The following KLRC1 variants were observed in gnomAD, a reference collection of about 807,000 sequenced individuals.
KLRC1 encodes killer cell lectin like receptor C1.
In KLRC1, 22 loss-of-function variants were observed where a neutral mutation model predicts 25.9. The observed-to-expected ratio is 0.85, with a 90% CI of 0.61 to 1.21. The LOEUF is 1.21. Ranked by LOEUF, KLRC1 falls within the 50% of genes most tolerant of loss-of-function variation. The probability of loss-of-function intolerance (pLI) is 0.00; values close to 1 mark genes in which losing one functional copy is unlikely to be tolerated. For synonymous variants in KLRC1, 77 were observed against 93.1 expected (o/e 0.83, Z 0.99); for missense variants, 240 against 272.2 (o/e 0.88, Z 0.83).
chr12:10,448,906 C>T (rs1864058727), intron 5 of KLRC1, among the ~76,000 whole-genome samples: 1 of 152,180 alleles, frequency 6.6e-6, no homozygotes, highest in African/African-American at 2.4e-5. Context: ...ATTTCATGAT[C>T]TGACTTGTAT....
At position 10,450,540 on chromosome 12, in the gene KLRC1, A is replaced by G; in HGVS notation, c.227T>C (p.Leu76Pro). The G allele has an allele frequency of 6.2e-7, 1 of 1,611,916 alleles. No individual in the cohort carries two copies. The highest frequency in any genetic ancestry group is 8.5e-7 in the Non-Finnish European group (1 of 1,178,082). The change falls in exon 3 of 7, where the codon CTG (leucine) becomes CCG (proline). Residue 76 changes from leucine (L) to proline (P), a missense_variant. By Grantham distance (98) the Leu-to-Pro change is moderately conservative (BLOSUM62 -3). Transcript: ENST00000359151. Reference protein sequence around the residue: ...SAPEKLIVGILGIICLILMAS... With the variant: ...SAPEKLIVGIPGIICLILMAS... ...CATTAAGATAAGACAGATAATTCCC[A>G]GGATCCCAACAATGAGCTTCTCTGG... is the stretch of plus-strand genomic sequence containing the variant.
At chr12:10,444,953 C>T (rs1241414048), downstream of KLRC1, among the ~76,000 whole-genome samples, 1 of 144,192 alleles carries the variant, frequency 6.9e-6, no homozygotes, top group African/African-American at 2.6e-5. Context: ...CAGAGTCTCC[C>T]TCTGTCGCCA....
At chr12:10,449,033 A>G (rs1254621510) in intron 5 of KLRC1, among the ~76,000 whole-genome samples, 1 of 152,244 alleles carries the variant, frequency 6.6e-6, no homozygotes, top group Middle Eastern at 3.2e-3. Flanking sequence ...ATGGTTTTCC[A>G]TGAAAAGCAA....
At chr12:10,450,454 T>TC (rs1864098702) in intron 3 of KLRC1, 30 bp downstream of exon 3, 1 of 1,247,034 alleles carries the variant, frequency 8.0e-7, no homozygotes, top group African/African-American at 1.5e-5. Flanking sequence ...ACGTGAAAAT[T>TC]CCCCTTGTAA....
intron 5 of KLRC1, among the ~76,000 whole-genome samples, chr12:10,448,762 A>T (rs921489327): frequency 2.6e-5 from 4 of 152,244 alleles, no homozygotes; most frequent in Non-Finnish European, 1.5e-5. Context: ...ACAGTGTATG[A>T]TTCCCTTTAT....
chr12:10,449,403 GA>G lies in KLRC1; in HGVS notation c.338-16del, dbSNP rs1435888562. 9.3e-6 allele frequency: 15 copies of G among 1,611,986 alleles called. No homozygotes were observed. Among genetic ancestry groups the G allele is most frequent in the Non-Finnish European group, 1.3e-5 (15 of 1,179,176 alleles). On this transcript the variant is annotated splice_polypyrimidine_tract_variant and intron_variant, in intron 4 of 6. Transcript: ENST00000359151. ...ACAATGACGTGCTAAATAAAGATAT[GA>G]ATTACTATCTAGACCAATATGAATT...
At chr12:10,450,456 C>T in intron 3 of KLRC1, 28 bp downstream of exon 3, 1 of 1,274,200 alleles carries the variant, frequency 7.8e-7, no homozygotes, top group Non-Finnish European at 1.1e-6. Flanking sequence ...GTGAAAATTC[C>T]CCTTGTAATC....
chr12:10,449,834 C>G, intron 4 of KLRC1, 80 bp downstream of exon 4: 1 of 1,170,218 alleles, frequency 8.5e-7, no homozygotes, highest in Non-Finnish European at 1.1e-6. Context: ...AATTTTTCAC[C>G]CAAAATTTTA....
rs1864023434 is a variant in KLRC1 at position 10,447,737 on chromosome 12, T to C, written c.490-105A>G. Reference sequence around the variant, plus strand: ...CTATTTGCAGTGCCAAAAACTTTCATAAATGTTTATAATTTTGATATAAAT... The same window carrying C: ...CTATTTGCAGTGCCAAAAACTTTCACAAATGTTTATAATTTTGATATAAAT... On this transcript the variant is annotated intron_variant, in intron 5 of 6. Coordinates refer to ENST00000359151, the MANE Select transcript of KLRC1 (RefSeq NM_002259.5). 1.3e-5 allele frequency: 11 copies of C among 855,244 alleles called. No homozygotes were observed. In the South Asian group the frequency reaches 2.0e-4, roughly 15 times the overall value. The allele number at this position is 855,244 out of a possible 1,614,324, so 53.0% of individuals were successfully genotyped here. A position where few individuals can be genotyped will look rare whatever the true frequency, so the allele number is the denominator to read the frequency against.
At position 10,446,188 on chromosome 12, in the gene KLRC1, C is replaced by T. The variant is rs1863980568; in HGVS notation, c.*363G>A. ...AAGTTTTCATCACGACACAAAGTAA[C>T]GTTCTATCAGTTAGAGGTCATCTCC... is the stretch of plus-strand genomic sequence containing the variant. On this transcript the variant is annotated 3_prime_UTR_variant, in exon 7 of 7. Coordinates refer to ENST00000359151, the MANE Select transcript of KLRC1 (RefSeq NM_002259.5). 5 of 204,596 alleles carry T rather than the reference C, an allele frequency of 2.4e-5. No homozygotes were observed. The highest frequency in any genetic ancestry group is 1.1e-4 in the South Asian group (1 of 9,148). 12.7% of individuals were successfully genotyped at this position (204,596 alleles called of 1,614,324 possible). A position where few individuals can be genotyped will look rare whatever the true frequency, so the allele number is the denominator to read the frequency against.
At chr12:10,447,069 T>A (rs901667249) in intron 6 of KLRC1, among the ~76,000 whole-genome samples, 4 of 152,240 alleles carry the variant, frequency 2.6e-5, no homozygotes, top group African/African-American at 9.6e-5. Context: ...TAAGTGTGGC[T>A]TTTTAATAAA....
intron 5 of KLRC1, among the ~76,000 whole-genome samples, chr12:10,448,520 G>A (rs1231887376): frequency 2.6e-5 from 4 of 152,166 alleles, no homozygotes; most frequent in African/African-American, 9.7e-5. Context: ...GTGGATGTGG[G>A]TGAGGAGGAT....
At position 10,451,110 on chromosome 12, in the gene KLRC1, T is replaced by G; in HGVS notation, c.47A>C (p.Asn16Thr). 1 of 1,613,966 alleles carries G rather than the reference T, an allele frequency of 6.2e-7. No homozygotes were observed. The highest frequency in any genetic ancestry group is 1.1e-5 in the South Asian group (1 of 91,064). Residue 16 changes from asparagine (N) to threonine (T), a missense_variant, in exon 2 of 7, where the codon AAC becomes ACC. Physicochemically the swap from Asn to Thr is moderately conservative, Grantham distance 65. Coordinates refer to ENST00000359151, the MANE Select transcript of KLRC1 (RefSeq NM_002259.5). ...AGGTTTTCGTTGCTGCCTCTTTGGG[T>G]TTGGGGGCAGATTCAGGTCTGAGTA... ...VIYSDLNLPP[N>T]PKRQQRKPKG... is the part of the protein sequence containing the mutation.
At position 10,447,513 on chromosome 12, in the gene KLRC1, GC is replaced by G. The variant is rs1346770032; in HGVS notation, c.590+18del. 6.5e-7 allele frequency: 1 copy of G among 1,548,350 alleles called. No individual in the cohort carries two copies. Among genetic ancestry groups the G allele is most frequent in the Non-Finnish European group, 8.9e-7 (1 of 1,124,658 alleles). ...CTTTATATATATATTGTTATATAGCGCCATACAAAACAACTTACTCATGTTT... is the reference window on the plus strand; with the variant it reads ...CTTTATATATATATTGTTATATAGCGCATACAAAACAACTTACTCATGTTT... On this transcript the variant is annotated intron_variant, in intron 6 of 6. Coordinates refer to ENST00000359151, the MANE Select transcript of KLRC1 (RefSeq NM_002259.5).
upstream of KLRC1, chr12:10,454,651 G>A: frequency 2.0e-6 from 2 of 984,904 alleles, no homozygotes; most frequent in Non-Finnish European, 1.2e-6. Flanking sequence ...ATACTAAAAT[G>A]GCCCTGAATC....
rs141027797 is a variant in KLRC1 at position 10,450,483 on chromosome 12, C to T, written c.283+1G>A. On this transcript the variant is annotated splice_donor_variant, in intron 3 of 6. Transcript: ENST00000359151. LOFTEE classifies it high-confidence loss of function. ...CTTGTAATCTTCGAAAATAGACTTACAGGGAATAACAACTATCGTTACCAC... is the reference window on the plus strand; with the variant it reads ...CTTGTAATCTTCGAAAATAGACTTATAGGGAATAACAACTATCGTTACCAC... 7.7e-6 allele frequency: 12 copies of T among 1,552,154 alleles called. No individual in the cohort carries two copies. Among genetic ancestry groups the T allele is most frequent in the Non-Finnish European group, 1.1e-5 (12 of 1,126,646 alleles).
downstream of KLRC1, among the ~76,000 whole-genome samples, chr12:10,443,213 T>A (rs1465673176): frequency 2.1e-5 from 3 of 141,612 alleles, 1 homozygote; most frequent in Non-Finnish European, 4.6e-5. Context: ...CATTTTTACA[T>A]GATGTCATTA....
Position 10,446,457 on chromosome 12 carries a change from A to G in KLRC1, c.*94T>C, listed in dbSNP as rs1863986127. On this transcript the variant is annotated 3_prime_UTR_variant, in exon 7 of 7. Transcript: ENST00000359151. ...GAATTTTCTTATTAGAGCAAATAAC[A>G]TAATTCATTTTAAGATTTATGCAAT... 1.4e-6 allele frequency: 2 copies of G among 1,456,280 alleles called. No individual in the cohort carries two copies. Among genetic ancestry groups the G allele is most frequent in the African/African-American group, 1.4e-5 (1 of 69,442 alleles). The allele number at this position is 1,456,280 out of a possible 1,614,324, so 90.2% of individuals were successfully genotyped here. A position where few individuals can be genotyped will look rare whatever the true frequency, so the allele number is the denominator to read the frequency against.
upstream of KLRC1, chr12:10,454,644 C>A (rs1037713270): frequency 6.1e-6 from 6 of 985,142 alleles, no homozygotes; most frequent in Admixed American, 6.1e-5. Flanking sequence ...ACAGAAGATA[C>A]TAAAATGGCC....
Sources: allele counts gnomAD v4.1 joint callset (sites outside exome capture counted in the v4.1 genomes callset), GRCh38; gene constraint gnomAD v4.1.1; transcripts MANE v1.5; gene names NCBI Gene and HGNC (gene_info 2026-07-23, HGNC 2026-07-21).